ZNF609: variants seen among roughly 807,000 people sequenced by gnomAD.
ZNF609 encodes zinc finger protein 609.
ZNF609 carries 11 observed loss-of-function variants against 109.5 expected under a neutral mutation model. The observed-to-expected ratio is 0.10, with a 90% CI of 0.06 to 0.17. The LOEUF is 0.17. Among genes scored for constraint, ZNF609 ranks in the 10% least tolerant of loss-of-function variants. ZNF609 has a pLI of 1.00. For synonymous variants in ZNF609, 646 were observed against 662.0 expected, an observed-to-expected ratio of 0.98 and a Z score of 0.37; for missense variants, 1,559 against 1,772.4, an observed-to-expected ratio of 0.88 and a Z score of 2.16.
At chr15:64,585,070 ATCCCAGCACTTTGGGAGGCC>A (rs1895174136) in intron 2 of ZNF609, among the ~76,000 whole-genome samples, 1 of 151,268 alleles carries the variant, frequency 6.6e-6, no homozygotes, top group Non-Finnish European at 1.5e-5. Context: ...CATGCCTATA[ATCCCAGCACTTTGGGAGGCC>A]AAGGCGGGAG....
chr15:64,553,390 T>C (rs1172815123), intron 2 of ZNF609, among the ~76,000 whole-genome samples: 1 of 152,004 alleles, frequency 6.6e-6, no homozygotes, highest in East Asian at 1.9e-4. Context: ...AGGTTATCTC[T>C]CTTTCATTTT....
intron 1 of ZNF609, among the ~76,000 whole-genome samples, chr15:64,487,809 T>C (rs1238028082): frequency 1.3e-5 from 2 of 152,098 alleles, no homozygotes; most frequent in Non-Finnish European, 2.9e-5. Context: ...AATTTTTTTG[T>C]ATTTTTAGTA....
At chr15:64,561,699 C>G (rs1006729635) in intron 2 of ZNF609, among the ~76,000 whole-genome samples, 7 of 151,758 alleles carry the variant, frequency 4.6e-5, no homozygotes, top group Admixed American at 1.3e-4. Context: ...CCTGGGCAGT[C>G]TCATAATAAT....
intron 2 of ZNF609, among the ~76,000 whole-genome samples, chr15:64,526,626 T>C (rs2140368372): frequency 6.6e-6 from 1 of 152,290 alleles, no homozygotes; most frequent in Middle Eastern, 3.4e-3. Context: ...ATTTTTTTTT[T>C]TCTTAGAGAT....
chr15:64,529,047 G>C lies in ZNF609; in HGVS notation c.747+28881G>C. On this transcript the variant is annotated intron_variant, in intron 2 of 9. Transcript: ENST00000326648. ...CCACAGGCTTGGCAGCGCCAGTAGA[G>C]ACAGGGATGATGTCCTGGAGAGCCC... 3.7e-6 allele frequency: 5 copies of C among 1,367,644 alleles called. No homozygotes were observed. The South Asian group carries it at 4.8e-5, about 13-fold the overall frequency. The allele number at this position is 1,367,644 out of a possible 1,614,324, so 84.7% of individuals were successfully genotyped here.
intron 3 of ZNF609, among the ~76,000 whole-genome samples, chr15:64,635,621 C>G (rs1896161763): frequency 6.6e-6 from 1 of 152,138 alleles, no homozygotes; most frequent in African/African-American, 2.4e-5. Context: ...AGATGTTGAG[C>G]CCTCTGGTCT....
chr15:64,644,946 TTCTC>T (rs145254377), intron 3 of ZNF609, among the ~76,000 whole-genome samples: 42 of 151,450 alleles, frequency 2.8e-4, no homozygotes, highest in Non-Finnish European at 3.4e-4. Context: ...CTCCTAAATT[TTCTC>T]TCTCTTTCTT....
intron 3 of ZNF609, among the ~76,000 whole-genome samples, chr15:64,659,692 G>T (rs768673541): frequency 4.8e-4 from 73 of 152,106 alleles, no homozygotes; most frequent in Non-Finnish European, 9.4e-4. Context: ...CAGAATAATT[G>T]TATCTAGAAT....
chr15:64,577,579 ATG>A (rs1207077954), intron 2 of ZNF609, among the ~76,000 whole-genome samples: 6 of 11,326 alleles, frequency 5.3e-4, no homozygotes, highest in Non-Finnish European at 7.1e-4. Context: ...ATACATATAT[ATG>A]TGTATATATA....
intron 1 of ZNF609, among the ~76,000 whole-genome samples, chr15:64,471,143 G>T (rs982295409): frequency 2.6e-5 from 4 of 152,110 alleles, no homozygotes; most frequent in African/African-American, 9.7e-5. Context: ...TGGCGGATCA[G>T]TTGAGGCCAG....
At chr15:64,487,132 T>C (rs1416904835) in intron 1 of ZNF609, among the ~76,000 whole-genome samples, 1 of 152,208 alleles carries the variant, frequency 6.6e-6, no homozygotes. Context: ...GATTTGTTTT[T>C]ATATCCCTAT....
chr15:64,659,314 C>A (rs1428365962), intron 3 of ZNF609, among the ~76,000 whole-genome samples: 7 of 152,160 alleles, frequency 4.6e-5, no homozygotes, highest in Non-Finnish European at 5.9e-5. Flanking sequence ...AATAGTTTCT[C>A]AGACTGATTC....
At chr15:64,661,263 C>T (rs989701817) in intron 3 of ZNF609, among the ~76,000 whole-genome samples, 8 of 152,170 alleles carry the variant, frequency 5.3e-5, no homozygotes, top group Middle Eastern at 3.4e-3. Context: ...CGACTGGCCG[C>T]GTATCACTAT....
chr15:64,516,778 T>A (rs541710375), intron 2 of ZNF609, among the ~76,000 whole-genome samples: 60 of 152,294 alleles, frequency 3.9e-4, no homozygotes, highest in African/African-American at 1.3e-3. Context: ...ATTGATCTTA[T>A]CTTAGGGATG....
chr15:64,640,555 C>T (rs930717667), intron 3 of ZNF609, among the ~76,000 whole-genome samples: 1 of 152,222 alleles, frequency 6.6e-6, no homozygotes, highest in Non-Finnish European at 1.5e-5. Context: ...AAGTGCCTCG[C>T]ATAAGCCAAG....
At chr15:64,512,606 G>A (rs992531080) in intron 2 of ZNF609, among the ~76,000 whole-genome samples, 8 of 152,208 alleles carry the variant, frequency 5.3e-5, no homozygotes, top group African/African-American at 1.9e-4. Context: ...AGGAAATATC[G>A]CATCACAGAA....
At chr15:64,475,571 A>G (rs1007085532) in intron 1 of ZNF609, among the ~76,000 whole-genome samples, 10 of 151,676 alleles carry the variant, frequency 6.6e-5, no homozygotes, top group Admixed American at 2.6e-4. Flanking sequence ...GTATTTTAGT[A>G]GAGACGGGGT....
chr15:64,563,098 A>G (rs984215345), intron 2 of ZNF609, among the ~76,000 whole-genome samples: 1 of 151,644 alleles, frequency 6.6e-6, no homozygotes, highest in Admixed American at 6.6e-5. Context: ...AGCCATGATC[A>G]CGCCACTGCA....
At chr15:64,569,633 G>T (rs116394943) in intron 2 of ZNF609, among the ~76,000 whole-genome samples, 1,975 of 152,330 alleles carry the variant, frequency 0.013, 32 homozygotes, top group African/African-American at 0.046. Context: ...GGGTTAGAGG[G>T]CTCCCTTTTG....
Sources: allele counts gnomAD v4.1 joint callset (sites outside exome capture counted in the v4.1 genomes callset), GRCh38; gene constraint gnomAD v4.1.1; transcripts MANE v1.5; gene names NCBI Gene and HGNC (gene_info 2026-07-23, HGNC 2026-07-21).